The following MMP26 variants were observed in gnomAD, a reference collection of about 807,000 sequenced individuals.
MMP26 encodes the protein matrix metallopeptidase 26.
Under a neutral mutation model 31.0 loss-of-function variants are expected in MMP26, and 33 were observed. The observed-to-expected ratio is 1.06, with a 90% confidence interval of 0.81 to 1.42. The LOEUF (loss-of-function observed/expected upper bound fraction) is 1.42. Ranked by LOEUF, MMP26 falls within the 40% of genes most tolerant of loss-of-function variation. The pLI, the probability that MMP26 is intolerant of heterozygous loss-of-function variation, is 0.00. For missense variants in MMP26, 347 were observed against 316.1 expected (o/e 1.10, Z -0.74); for synonymous variants, 122 against 114.9 (o/e 1.06, Z -0.40).
chr11:4,987,340 T>C (rs1461281551), intron 2 of MMP26, among the ~76,000 whole-genome samples: 1 of 152,156 alleles, frequency 6.6e-6, no homozygotes, highest in African/African-American at 2.4e-5. Context: ...ATTAACTACC[T>C]CTTTCTGTGT....
rs533188649 is a variant in MMP26 at position 4,848,531 on chromosome 11, G to T, written c.-145+81190G>T. 2.5e-6 allele frequency: 4 copies of T among 1,613,280 alleles called. No individual in the cohort carries two copies. In the South Asian group the frequency reaches 4.4e-5, roughly 18 times the overall value. Reference sequence around the variant, plus strand: ...CACCTTGCAACACCTTGCCAATCAGGCCATAGGAGAAGAAAATAAGCAGGG... The same window carrying T: ...CACCTTGCAACACCTTGCCAATCAGTCCATAGGAGAAGAAAATAAGCAGGG... On this transcript the variant is annotated intron_variant, in intron 2 of 7. Coordinates refer to ENST00000380390, the MANE Select transcript of MMP26 (RefSeq NM_021801.5).
intron 2 of MMP26, among the ~76,000 whole-genome samples, chr11:4,852,549 G>A (rs755039470): frequency 4.6e-5 from 7 of 151,996 alleles, no homozygotes; most frequent in African/African-American, 1.7e-4. Context: ...AACAAAGAAC[G>A]ATCAATAGCC....
At chr11:4,918,803 T>A (rs1295717479) in intron 2 of MMP26, among the ~76,000 whole-genome samples, 1 of 152,190 alleles carries the variant, frequency 6.6e-6, no homozygotes, top group Non-Finnish European at 1.5e-5. Context: ...TAGACCACAC[T>A]TTGTGATCAC....
At chr11:4,743,000 A>G (rs772205376) in intron 1 of MMP26, among the ~76,000 whole-genome samples, 3 of 152,168 alleles carry the variant, frequency 2.0e-5, no homozygotes, top group Non-Finnish European at 4.4e-5. Context: ...CCATCCGTGT[A>G]AATTTAAAAT....
At chr11:4,959,082 CA>C in intron 2 of MMP26, among the ~76,000 whole-genome samples, 1 of 151,804 alleles carries the variant, frequency 6.6e-6, no homozygotes, top group Non-Finnish European at 1.5e-5. Flanking sequence ...ACTAAAAATA[CA>C]AAAAATTAGC....
At chr11:4,752,758 G>A (rs1203657006) in intron 1 of MMP26, 2 of 152,482 alleles carry the variant, frequency 1.3e-5, no homozygotes, top group South Asian at 2.1e-4. Context: ...GTAGAAATAC[G>A]TAAGCCAATG....
chr11:4,802,068 T>C (rs1849191238), intron 2 of MMP26, among the ~76,000 whole-genome samples: 1 of 152,214 alleles, frequency 6.6e-6, no homozygotes, highest in South Asian at 2.1e-4. Flanking sequence ...GCTTTATATT[T>C]TGGACATAAG....
chr11:4,723,432 G>T, intron 1 of MMP26: 1 of 1,026,820 alleles, frequency 9.7e-7, no homozygotes, highest in Non-Finnish European at 1.5e-6. Context: ...CCAGGGAGCG[G>T]CTGCTGTCCA....
At chr11:4,867,514 C>T (rs1471785345) in intron 2 of MMP26, among the ~76,000 whole-genome samples, 1 of 151,484 alleles carries the variant, frequency 6.6e-6, no homozygotes, top group Non-Finnish European at 1.5e-5. Context: ...CCTCAGCCTC[C>T]TGAGTAGCTG....
At chr11:4,777,053 A>G (rs571903886) in intron 2 of MMP26, among the ~76,000 whole-genome samples, 5 of 152,320 alleles carry the variant, frequency 3.3e-5, no homozygotes, top group African/African-American at 7.2e-5. Context: ...ATACAAGGGT[A>G]CTAGGACAGA....
intron 2 of MMP26, among the ~76,000 whole-genome samples, chr11:4,865,839 A>G (rs1850226999): frequency 6.6e-6 from 1 of 152,146 alleles, no homozygotes; most frequent in Admixed American, 6.6e-5. Context: ...TGAGTTTGCA[A>G]GCAGGAGTCA....
chr11:4,868,751 C>T (rs1850272281), intron 2 of MMP26, among the ~76,000 whole-genome samples: 1 of 152,142 alleles, frequency 6.6e-6, no homozygotes, highest in Non-Finnish European at 1.5e-5. Context: ...AAAGAGCCCA[C>T]ATTGCCAAGA....
At chr11:4,795,717 T>C (rs1389976924) in intron 2 of MMP26, among the ~76,000 whole-genome samples, 1 of 152,208 alleles carries the variant, frequency 6.6e-6, no homozygotes, top group Non-Finnish European at 1.5e-5. Context: ...AAAATTACTT[T>C]ATTATGCCTG....
intron 1 of MMP26, among the ~76,000 whole-genome samples, chr11:4,755,121 G>A (rs1267973743): frequency 2.6e-5 from 4 of 151,790 alleles, no homozygotes; most frequent in Non-Finnish European, 2.9e-5. Flanking sequence ...ACACCATGTC[G>A]CTATCAGTTT....
At chr11:4,714,175 G>A (rs960168083) in intron 1 of MMP26, among the ~76,000 whole-genome samples, 4 of 152,082 alleles carry the variant, frequency 2.6e-5, no homozygotes, top group African/African-American at 9.7e-5. Context: ...CACTTTACAC[G>A]CCCTGGTTTC....
intron 2 of MMP26, among the ~76,000 whole-genome samples, chr11:4,925,175 A>G (rs1238857743): frequency 6.6e-6 from 1 of 152,178 alleles, no homozygotes; most frequent in African/African-American, 2.4e-5. Flanking sequence ...ATTGTAGCGC[A>G]GAGAGGTAAA....
intron 2 of MMP26, among the ~76,000 whole-genome samples, chr11:4,768,439 G>A (rs1848659594): frequency 6.6e-6 from 1 of 152,194 alleles, no homozygotes; most frequent in African/African-American, 2.4e-5. Context: ...GAACCATGGA[G>A]ATCCAGGTCT....
chr11:4,927,950 C>T (rs2133587944), intron 2 of MMP26, among the ~76,000 whole-genome samples: 1 of 152,052 alleles, frequency 6.6e-6, no homozygotes, highest in African/African-American at 2.4e-5. Context: ...ATGATACTTT[C>T]AAGATGTTAG....
At chr11:4,879,164 G>A (rs777158087) in intron 2 of MMP26, among the ~76,000 whole-genome samples, 2 of 152,062 alleles carry the variant, frequency 1.3e-5, no homozygotes, top group Non-Finnish European at 2.9e-5. Flanking sequence ...AACCCAGGAG[G>A]TGGAAGTTGC....
Sources: gnomAD v4.1 joint callset for allele counts (sites outside exome capture counted in the v4.1 genomes callset) on GRCh38, gnomAD v4.1.1 for gene constraint, MANE v1.5 for transcripts, NCBI Gene and HGNC (gene_info 2026-07-23, HGNC 2026-07-21) for gene names.